Variants in NLRP11 observed in about 807,000 individuals in gnomAD.
NLRP11 encodes the protein NLR family pyrin domain containing 11.
A neutral mutation model predicts 79.3 loss-of-function variants in NLRP11; 53 were observed. The observed-to-expected ratio is 0.67, with a 90% CI of 0.54 to 0.84. NLRP11 has a LOEUF of 0.84. Ranked by LOEUF, NLRP11 falls within the 40% of genes least tolerant of loss-of-function variation. The pLI is 0.00. For missense variants in NLRP11, 1,264 were observed against 1,255.0 expected (o/e 1.01, Z -0.11); for synonymous variants, 518 against 462.6 (o/e 1.12, Z -1.54).
At chr19:55,797,071 T>C (rs1482220502) in intron 5 of NLRP11, among the ~76,000 whole-genome samples, 1 of 152,204 alleles carries the variant, frequency 6.6e-6, no homozygotes, top group Admixed American at 6.5e-5. Flanking sequence ...ATTTTTGCTT[T>C]AGTGTCTAGT....
chr19:55,809,425 T>G lies in NLRP11; in HGVS notation c.1185A>C (p.Lys395Asn), dbSNP rs1212795332. ...CTCCTGCAGCCAGCAAACACAGACG[T>G]TTTAGGAGACCTAGGTGATACTGAT... Residue 395 changes from lysine to asparagine, a missense_variant, in exon 3 of 10, where the codon AAA becomes AAC. Transcript: ENST00000589093. The surrounding 1 kb of genome is among the most constrained non-coding windows in gnomAD (Gnocchi z 4.5). 6.2e-7 allele frequency: 1 copy of G among 1,613,948 alleles called. No individual in the cohort carries two copies. The highest frequency in any genetic ancestry group is 8.5e-7 in the Non-Finnish European group (1 of 1,180,022).
rs747971771 is a variant in NLRP11 at position 55,804,914 on chromosome 19, T to G, written c.2003+2939A>C. Among the ~76,000 whole-genome samples the G allele has an allele frequency of 5.6e-4, 85 of 152,008 alleles. 1 individual carries two copies. Among genetic ancestry groups the G allele is most frequent in the Non-Finnish European group, 1.0e-3 (68 of 67,972 alleles). On this transcript the variant is annotated intron_variant, in intron 4 of 9. Transcript: ENST00000589093. ...CCTGTTTCTATTTAAAATACAAAAA[T>G]TAGCCAGGCGTGGTGGCGTGCACCT... is the stretch of plus-strand genomic sequence containing the variant.
chr19:55,835,410 C>A (rs922081672), upstream of NLRP11, among the ~76,000 whole-genome samples: 5 of 152,256 alleles, frequency 3.3e-5, no homozygotes, highest in Non-Finnish European at 5.9e-5. Context: ...CCATTAAGTT[C>A]TTCTTGCAGG....
At chr19:55,792,345 C>T (rs767811153) in exon 7 of NLRP11, 10 of 1,614,172 alleles carry the variant, frequency 6.2e-6, no homozygotes, top group Non-Finnish European at 7.6e-6. Flanking sequence ...AGGGAAACGT[C>T]ACATGCAACA....
chr19:55,831,357 T>A (rs1982771213), intron 1 of NLRP11, among the ~76,000 whole-genome samples: 1 of 151,198 alleles, frequency 6.6e-6, no homozygotes, highest in African/African-American at 2.4e-5. Context: ...AGGTCAGGAG[T>A]TCGAGACCAG....
At chr19:55,835,287 G>C (rs1322783336), upstream of NLRP11, among the ~76,000 whole-genome samples, 2 of 152,224 alleles carry the variant, frequency 1.3e-5, no homozygotes, top group Non-Finnish European at 2.9e-5. Context: ...TGACTGTAAC[G>C]ATTGTAGGGA....
chr19:55,808,741 A>G, intron 3 of NLRP11, 28 bp downstream of exon 3: 1 of 1,569,964 alleles, frequency 6.4e-7, no homozygotes, highest in South Asian at 1.2e-5. Context: ...GGAAGACAGG[A>G]AAGAGGATTT....
chr19:55,818,625 C>T (rs530738934), intron 1 of NLRP11, among the ~76,000 whole-genome samples: 1 of 152,122 alleles, frequency 6.6e-6, no homozygotes, highest in Non-Finnish European at 1.5e-5. Flanking sequence ...GTATATGAAA[C>T]TCCTCTATGT....
chr19:55,799,103 C>T (rs1979224712), intron 5 of NLRP11, among the ~76,000 whole-genome samples: 2 of 152,036 alleles, frequency 1.3e-5, no homozygotes, highest in South Asian at 2.1e-4. Flanking sequence ...CCTGTCTCTA[C>T]CAAAAATATA....
intron 1 of NLRP11, among the ~76,000 whole-genome samples, chr19:55,822,482 C>A (rs867213047): frequency 6.6e-6 from 1 of 152,094 alleles, no homozygotes; most frequent in Non-Finnish European, 1.5e-5. Context: ...GGGTGATTTC[C>A]GCATTTCCAT....
At chr19:55,811,970 T>TACAC (rs3973377) in intron 2 of NLRP11, among the ~76,000 whole-genome samples, 18,995 of 149,118 alleles carry the variant, frequency 0.13, 1,445 homozygotes, top group African/African-American at 0.19. Flanking sequence ...TTCACACATG[T>TACAC]ACACACACAC....
intron 1 of NLRP11, among the ~76,000 whole-genome samples, chr19:55,822,771 G>T: frequency 6.6e-6 from 1 of 152,068 alleles, no homozygotes; most frequent in Non-Finnish European, 1.5e-5. Flanking sequence ...TATGCCCACG[G>T]AGTCTCGCTG....
chr19:55,785,723 T>C lies in NLRP11; in HGVS notation c.3004A>G (p.Ile1002Val), dbSNP rs1989836507. Residue 1002 changes from isoleucine (I) to valine (V), a missense_variant, in exon 10 of 10, where the codon ATA becomes GTA. By Grantham distance (29) the Ile-to-Val change is conservative. Coordinates refer to ENST00000589093, the Ensembl canonical transcript of NLRP11. ...TAATCCAAATTAGAATTAGGTATTA[T>C]TGAACCTGGCTGAGAAGCAGGTGTC... The C allele has an allele frequency of 6.2e-7, 1 of 1,614,114 alleles. No individual in the cohort carries two copies. Among genetic ancestry groups the C allele is most frequent in the Non-Finnish European group, 8.5e-7 (1 of 1,179,936 alleles).
intron 8 of NLRP11, 90 bp from the exon 9 acceptor site, chr19:55,789,067 C>T (rs1990079922): frequency 6.7e-7 from 1 of 1,494,774 alleles, no homozygotes; most frequent in South Asian, 1.2e-5. Flanking sequence ...CTACTAGATC[C>T]CTCCAAGTTT....
At chr19:55,788,266 G>A (rs1027096997) in intron 9 of NLRP11, among the ~76,000 whole-genome samples, 5 of 151,890 alleles carry the variant, frequency 3.3e-5, no homozygotes, top group African/African-American at 1.2e-4. Flanking sequence ...TTTGGTCTAC[G>A]TCAAGTATAA....
At chr19:55,832,267 T>G (rs545325165), upstream of NLRP11, among the ~76,000 whole-genome samples, 1 of 152,284 alleles carries the variant, frequency 6.6e-6, no homozygotes, top group Admixed American at 6.5e-5. Flanking sequence ...AACAATTGAC[T>G]TAGGCAGTGC....
chr19:55,835,177 A>G (rs1489400546), upstream of NLRP11, among the ~76,000 whole-genome samples: 2 of 152,208 alleles, frequency 1.3e-5, no homozygotes, highest in Non-Finnish European at 2.9e-5. Flanking sequence ...GATCATCACC[A>G]TCGTAACACT....
At chr19:55,785,978 G>A (rs1316031656) in intron 9 of NLRP11, 107 bp from the exon 10 acceptor site, 2 of 1,218,622 alleles carry the variant, frequency 1.6e-6, no homozygotes, top group African/African-American at 1.5e-5. Flanking sequence ...ATTCTTGGGA[G>A]TATCTCAAGC....
chr19:55,800,416 T>C (rs1180590964), intron 5 of NLRP11, among the ~76,000 whole-genome samples: 1 of 152,206 alleles, frequency 6.6e-6, no homozygotes, highest in Non-Finnish European at 1.5e-5. Context: ...CAAGCGATTA[T>C]CTTGCTTCAC....
Sources: gnomAD v4.1 joint callset for allele counts (sites outside exome capture counted in the v4.1 genomes callset) on GRCh38, gnomAD v4.1.1 for gene constraint, Gnocchi (gnomAD v3.1) non-coding constraint, MANE v1.5 for transcripts, NCBI Gene and HGNC (gene_info 2026-07-23, HGNC 2026-07-21) for gene names.